Variants in ZNF516 observed in about 807,000 individuals in gnomAD.
ZNF516 encodes zinc finger protein 516.
Under a neutral mutation model 79.7 loss-of-function variants are expected in ZNF516, and 19 were observed. That is an observed-to-expected ratio of 0.24 (90% confidence interval 0.17 to 0.35). The LOEUF (loss-of-function observed/expected upper bound fraction) is 0.35, where lower values mean the gene tolerates loss of function less well. ZNF516 is among the 10% of genes least tolerant of loss of function. ZNF516 has a pLI of 1.00. For synonymous variants in ZNF516, 877 were observed against 739.5 expected (o/e 1.19, Z -3.02); for missense variants, 1,678 against 1,679.5 (o/e 1.00, Z 0.02).
rs1291253221 is a variant in ZNF516 at position 76,441,624 on chromosome 18, C to T, written c.1431G>A (p.Pro477=). The T allele has an allele frequency of 2.0e-6, 3 of 1,513,206 alleles. No homozygotes were observed. The highest frequency in any genetic ancestry group is 5.2e-5 in the East Asian group (2 of 38,826). 93.7% of individuals were successfully genotyped at this position (1,513,206 alleles called of 1,614,324 possible). A position where few individuals can be genotyped will look rare whatever the true frequency, so the allele number is the denominator to read the frequency against. Residue 477 remains proline (P), a synonymous_variant, in exon 3 of 7, where the codon CCG becomes CCA. Coordinates refer to ENST00000443185, the MANE Select transcript of ZNF516 (RefSeq NM_014643.4). ...EQDAPAAQGP[P]RKRASGPGDP... ...CCCCAGGCCCGCTCGCGCGCTTCCG[C>T]GGGGGCCCCTGCGCGGCTGGTGCAT...
intron 4 of ZNF516, among the ~76,000 whole-genome samples, chr18:76,376,325 C>CCTACT (rs755769288): frequency 2.7e-4 from 41 of 152,142 alleles, no homozygotes; most frequent in Non-Finnish European, 4.9e-4. Context: ...TAATAATGCA[C>CCTACT]CTACTAACAG....
At chr18:76,488,823 GAT>G (rs1914990898) in intron 1 of ZNF516, among the ~76,000 whole-genome samples, 1 of 152,182 alleles carries the variant, frequency 6.6e-6, no homozygotes, top group African/African-American at 2.4e-5. Context: ...AGAGAAAGCT[GAT>G]ATGTGTTTCC....
intron 3 of ZNF516, among the ~76,000 whole-genome samples, chr18:76,405,863 G>A (rs926579147): frequency 3.9e-5 from 6 of 151,900 alleles, no homozygotes; most frequent in African/African-American, 7.3e-5. Context: ...TTGGAATCCC[G>A]CCGCCCCGTC....
intron 3 of ZNF516, among the ~76,000 whole-genome samples, chr18:76,399,932 G>C (rs2075196383): frequency 6.6e-6 from 1 of 152,158 alleles, no homozygotes; most frequent in Non-Finnish European, 1.5e-5. Flanking sequence ...AAGATACCTG[G>C]CTCTTTGGCC....
chr18:76,360,640 A>ATATATATATATAT lies in ZNF516; in HGVS notation c.*1857_*1858insATATATATATATA. 2 of 107,508 alleles carry ATATATATATATAT rather than the reference A, an allele frequency of 1.9e-5. No homozygotes were observed. The highest frequency in any genetic ancestry group is 3.5e-5 in the African/African-American group (1 of 28,738). 6.7% of individuals were successfully genotyped at this position (107,508 alleles called of 1,614,324 possible). A position where few individuals can be genotyped will look rare whatever the true frequency, so the allele number is the denominator to read the frequency against. On this transcript the variant is annotated 3_prime_UTR_variant, in exon 7 of 7. Coordinates refer to ENST00000443185, the MANE Select transcript of ZNF516 (RefSeq NM_014643.4). ...TATCAGAAAAAAATAAGTAAAAAAA[A>ATATATATATATAT]AAAAAAATATATATATATATATATA...
chr18:76,492,352 T>G lies in ZNF516; in HGVS notation c.-272+2792A>C, dbSNP rs1307435088. 9.1e-6 allele frequency: 9 copies of G among 985,234 alleles called. No individual in the cohort carries two copies. The South Asian group carries it at 1.4e-4, about 15-fold the overall frequency. 61.0% of individuals were successfully genotyped at this position (985,234 alleles called of 1,614,324 possible). A position where few individuals can be genotyped will look rare whatever the true frequency, so the allele number is the denominator to read the frequency against. On this transcript the variant is annotated intron_variant, in intron 1 of 6. Coordinates refer to ENST00000443185, the MANE Select transcript of ZNF516 (RefSeq NM_014643.4). ...TGCCACAGTAAGTCAGCTGCAAGCG[T>G]GGGGTGGCCGGTGACGCGCTGTGCC...
chr18:76,418,492 C>T (rs145123890), intron 3 of ZNF516, among the ~76,000 whole-genome samples: 4 of 152,188 alleles, frequency 2.6e-5, no homozygotes, highest in South Asian at 4.2e-4. Flanking sequence ...AACACACTAA[C>T]ATACGCTGTA....
intron 3 of ZNF516, among the ~76,000 whole-genome samples, chr18:76,435,360 T>C (rs542841908): frequency 2.0e-5 from 3 of 152,368 alleles, no homozygotes; most frequent in South Asian, 4.1e-4. Context: ...TCAGCATGCA[T>C]GCCATGCATA....
intron 3 of ZNF516, among the ~76,000 whole-genome samples, chr18:76,382,214 A>G (rs918484646): frequency 2.0e-5 from 3 of 152,226 alleles, no homozygotes; most frequent in African/African-American, 7.2e-5. Context: ...AGTCTGTTAT[A>G]CGCACACAGT....
intron 3 of ZNF516, among the ~76,000 whole-genome samples, chr18:76,438,107 C>T (rs1414047953): frequency 6.6e-6 from 1 of 152,228 alleles, no homozygotes. Context: ...ATTATGAGCA[C>T]CTCAGAGCAT....
chr18:76,375,341 G>A (rs1200246516), intron 4 of ZNF516, among the ~76,000 whole-genome samples: 2 of 151,360 alleles, frequency 1.3e-5, no homozygotes, highest in Non-Finnish European at 2.9e-5. Flanking sequence ...AGAACAGGTA[G>A]AAGGATGGAC....
rs2074510754 is a variant in ZNF516 at position 76,360,265 on chromosome 18, AC to A, written c.*2232del. The A allele has an allele frequency of 6.6e-6, 1 of 152,250 alleles. No homozygotes were observed. The highest frequency in any genetic ancestry group is 2.4e-5 in the African/African-American group (1 of 41,456). 9.4% of individuals were successfully genotyped at this position (152,250 alleles called of 1,614,324 possible). On this transcript the variant is annotated 3_prime_UTR_variant, in exon 7 of 7. Coordinates refer to ENST00000443185, the MANE Select transcript of ZNF516 (RefSeq NM_014643.4). The stretch of plus-strand genomic sequence containing the variant: ...CTGAAACAGTAAAAATGTAGACTAC[AC>A]TTTCGTGTCACTTTGGGTACAGAAT...
chr18:76,399,036 G>C (rs1477633570), intron 3 of ZNF516, among the ~76,000 whole-genome samples: 1 of 152,172 alleles, frequency 6.6e-6, no homozygotes, highest in African/African-American at 2.4e-5. Flanking sequence ...GACAGAGGAA[G>C]GCGGATTTCC....
chr18:76,464,291 G>A (rs1279344837), intron 1 of ZNF516, among the ~76,000 whole-genome samples: 1 of 152,200 alleles, frequency 6.6e-6, no homozygotes, highest in Non-Finnish European at 1.5e-5. Flanking sequence ...AGAATCGCTT[G>A]AACCCAGGAG....
In ZNF516 at chr18:76,493,094, T is replaced by C. The variant is rs1377894302; in HGVS notation, c.-272+2050A>G. ...GGCAGGGAGACTTCGCAAAGCTGTT[T>C]CCTTTTTTTTTTTTCCTCCTCTCCT... is the stretch of plus-strand genomic sequence containing the variant. On this transcript the variant is annotated intron_variant, in intron 1 of 6. Coordinates refer to ENST00000443185, the MANE Select transcript of ZNF516 (RefSeq NM_014643.4). The surrounding 1 kb of genome is among the most constrained non-coding windows in gnomAD (Gnocchi z 5.2). 3.1e-6 allele frequency: 3 copies of C among 980,432 alleles called. No homozygotes were observed. The highest frequency in any genetic ancestry group is 3.6e-6 in the Non-Finnish European group (3 of 828,866). The allele number at this position is 980,432 out of a possible 1,614,324, so 60.7% of individuals were successfully genotyped here. A position where few individuals can be genotyped will look rare whatever the true frequency, so the allele number is the denominator to read the frequency against.
In ZNF516 at chr18:76,381,011, G is replaced by A. The variant is rs114180110; in HGVS notation, c.1811-708C>T. Among the ~76,000 whole-genome samples the A allele has an allele frequency of 3.6e-3, 551 of 152,338 alleles. 7 individuals are homozygous for A. The highest frequency in any genetic ancestry group is 0.013 in the African/African-American group (532 of 41,570). On this transcript the variant is annotated intron_variant, in intron 3 of 6. Transcript: ENST00000443185. Reference sequence around the variant, plus strand: ...CCGGCTGCCCAGGAGAACTGAGCCCGGGGTTCCGCCCCTCAAGCTCTGCGC... The same window carrying A: ...CCGGCTGCCCAGGAGAACTGAGCCCAGGGTTCCGCCCCTCAAGCTCTGCGC...
At chr18:76,455,757 A>G (rs917261069) in intron 2 of ZNF516, among the ~76,000 whole-genome samples, 1 of 152,228 alleles carries the variant, frequency 6.6e-6, no homozygotes, top group Non-Finnish European at 1.5e-5. Flanking sequence ...TGTCACAAAG[A>G]GTCTGCACTT....
chr18:76,448,340 T>TA (rs1271077330), intron 2 of ZNF516, among the ~76,000 whole-genome samples: 1 of 152,246 alleles, frequency 6.6e-6, no homozygotes, highest in Non-Finnish European at 1.5e-5. Context: ...ATTTACTCTG[T>TA]AGGCCAGTAT....
intron 1 of ZNF516, among the ~76,000 whole-genome samples, chr18:76,486,913 C>A (rs75307678): frequency 0.16 from 23,761 of 152,020 alleles, 2,328 homozygotes; most frequent in South Asian, 0.37. Flanking sequence ...GTAAATCTAC[C>A]AGAATTAACA....
Sources: gnomAD v4.1 joint callset for allele counts (sites outside exome capture counted in the v4.1 genomes callset) on GRCh38, gnomAD v4.1.1 for gene constraint, Gnocchi (gnomAD v3.1) non-coding constraint, MANE v1.5 for transcripts, NCBI Gene and HGNC (gene_info 2026-07-23, HGNC 2026-07-21) for gene names.